Variants in CCDC169 observed in about 807,000 individuals in gnomAD.
The protein encoded by CCDC169 is coiled-coil domain-containing protein 169.
CCDC169 carries 30 observed loss-of-function variants against 36.0 expected under a neutral mutation model. The observed-to-expected ratio is 0.83, with a 90% CI of 0.62 to 1.13. CCDC169 has a LOEUF of 1.13. Ranked by LOEUF, CCDC169 falls within the 50% of genes most tolerant of loss-of-function variation. CCDC169 has a pLI of 0.00. For missense variants in CCDC169, 245 were observed against 245.9 expected, an observed-to-expected ratio of 1.00 and a Z score of 0.03; for synonymous variants, 85 against 81.5, an observed-to-expected ratio of 1.04 and a Z score of -0.23.
chr13:36,293,865 T>C (rs1879187245), intron 2 of CCDC169, among the ~76,000 whole-genome samples: 1 of 152,086 alleles, frequency 6.6e-6, no homozygotes, highest in South Asian at 2.1e-4. Context: ...TTTAAGCTCC[T>C]AAATTATAGG....
At chr13:36,230,729 C>A (rs929337998), downstream of CCDC169, 10 of 978,108 alleles carry the variant, frequency 1.0e-5, no homozygotes, top group African/African-American at 1.2e-4. Context: ...GGTTGTTCTA[C>A]GATACCATAA....
In CCDC169 at chr13:36,297,697, T is replaced by G; in HGVS notation, c.23A>C (p.Asn8Thr). 1 of 1,551,318 alleles carries G rather than the reference T, an allele frequency of 6.4e-7. No homozygotes were observed. Among genetic ancestry groups the G allele is most frequent in the Non-Finnish European group, 8.7e-7 (1 of 1,146,994 alleles). The change falls in exon 1 of 8, where the codon AAC (asparagine) becomes ACC (threonine). Residue 8 changes from asparagine to threonine, a missense_variant. Asn to Thr is a moderately conservative substitution (Grantham distance 65, BLOSUM62 0). Coordinates refer to ENST00000239859, the MANE Select transcript of CCDC169 (RefSeq NM_001144981.3). MKEERNY[N>T]FDGVSTNRLK... ...GCGGTTGGTGCTCACACCGTCGAAG[T>G]TGTAGTTTCTCTCTTCCTTCATAGT... is the stretch of plus-strand genomic sequence containing the variant.
intron 7 of CCDC169, among the ~76,000 whole-genome samples, chr13:36,237,696 A>G (rs1871258417): frequency 6.6e-6 from 1 of 152,240 alleles, no homozygotes; most frequent in Admixed American, 6.5e-5. Context: ...CCAAATTCAC[A>G]TATTGTATGC....
In CCDC169 at chr13:36,238,196, T is replaced by A. The variant is rs150902629; in HGVS notation, c.546-6904A>T. ...TTGGGGTGATGAAAATGTTCTGGAA[T>A]CAGTTAGTGGTGATGCTTGCATGAC... is the stretch of plus-strand genomic sequence containing the variant. On this transcript the variant is annotated intron_variant, in intron 7 of 7. Coordinates refer to ENST00000239859, the MANE Select transcript of CCDC169 (RefSeq NM_001144981.3). 4.3e-3 allele frequency among the ~76,000 whole-genome samples: 653 copies of A among 152,312 alleles called. 2 individuals are homozygous for A. The highest frequency in any genetic ancestry group is 0.015 in the African/African-American group (603 of 41,560).
chr13:36,255,282 C>T (rs1224306427), intron 4 of CCDC169, among the ~76,000 whole-genome samples: 2 of 152,148 alleles, frequency 1.3e-5, no homozygotes, highest in African/African-American at 4.8e-5. Context: ...GAGACCCCAT[C>T]ATGCGTTCTC....
At chr13:36,282,567 T>G (rs1877667857) in intron 4 of CCDC169, 1 of 984,364 alleles carries the variant, frequency 1.0e-6, no homozygotes, top group African/African-American at 1.7e-5. Flanking sequence ...TATACTGAAC[T>G]TTCATTCTCT....
At chr13:36,284,150 A>G (rs981115723) in intron 2 of CCDC169, among the ~76,000 whole-genome samples, 2 of 151,624 alleles carry the variant, frequency 1.3e-5, no homozygotes, top group Admixed American at 1.3e-4. Flanking sequence ...CTTGAAATAC[A>G]TATTTATATA....
In CCDC169 at chr13:36,278,891, C is replaced by G. The variant is rs561370957; in HGVS notation, c.315+4578G>C. On this transcript the variant is annotated intron_variant, in intron 4 of 7. Coordinates refer to ENST00000239859, the MANE Select transcript of CCDC169 (RefSeq NM_001144981.3). ...CTATCACCTGTGTAATACACACAAA[C>G]AAAACTAAACTTACCATTTCCTAAC... 1.2e-4 allele frequency among the ~76,000 whole-genome samples: 18 copies of G among 152,292 alleles called. 1 individual carries two copies. The East Asian group carries it at 3.3e-3, about 28-fold the overall frequency.
chr13:36,264,924 C>T (rs1418388785), intron 4 of CCDC169, among the ~76,000 whole-genome samples: 5 of 152,170 alleles, frequency 3.3e-5, no homozygotes, highest in Non-Finnish European at 7.4e-5. Context: ...TGAGAAGAAT[C>T]TGTGTTCTGG....
intron 7 of CCDC169, among the ~76,000 whole-genome samples, chr13:36,237,717 A>G (rs1330903499): frequency 6.6e-6 from 1 of 152,222 alleles, no homozygotes; most frequent in Non-Finnish European, 1.5e-5. Context: ...TCCCATTTAC[A>G]GTTGGAAATG....
chr13:36,292,338 A>G (rs1879004386), intron 2 of CCDC169, among the ~76,000 whole-genome samples: 2 of 152,236 alleles, frequency 1.3e-5, no homozygotes, highest in African/African-American at 4.8e-5. Flanking sequence ...ATTATTTTCA[A>G]AGGGTAGTTG....
chr13:36,295,438 T>C (rs9575864), intron 2 of CCDC169, among the ~76,000 whole-genome samples: 36,441 of 152,056 alleles, frequency 0.24, 4,830 homozygotes, highest in East Asian at 0.49. Flanking sequence ...ATCCCAAACC[T>C]AGAAGTTAAG....
At chr13:36,292,344 A>G (rs984088661) in intron 2 of CCDC169, among the ~76,000 whole-genome samples, 3 of 152,128 alleles carry the variant, frequency 2.0e-5, no homozygotes, top group African/African-American at 7.2e-5. Context: ...TTCAAAGGGT[A>G]GTTGTGAGGT....
At chr13:36,288,540 A>G (rs1390795727) in intron 2 of CCDC169, among the ~76,000 whole-genome samples, 1 of 152,218 alleles carries the variant, frequency 6.6e-6, no homozygotes, top group African/African-American at 2.4e-5. Flanking sequence ...CAATTAAGAA[A>G]AGATTATGAT....
chr13:36,273,373 G>A (rs1365126743), intron 4 of CCDC169, among the ~76,000 whole-genome samples: 1 of 151,954 alleles, frequency 6.6e-6, no homozygotes, highest in Admixed American at 6.6e-5. Flanking sequence ...AGTACTTTAG[G>A]AGTTTTATAC....
At chr13:36,245,105 G>A (rs902359589) in intron 7 of CCDC169, among the ~76,000 whole-genome samples, 1 of 151,996 alleles carries the variant, frequency 6.6e-6, no homozygotes, top group South Asian at 2.1e-4. Flanking sequence ...TATATAAAAA[G>A]GATGCTGACT....
chr13:36,297,454 G>C (rs1879663704), intron 1 of CCDC169, among the ~76,000 whole-genome samples, 183 bp downstream of exon 1: 1 of 152,152 alleles, frequency 6.6e-6, no homozygotes, highest in East Asian at 1.9e-4. Flanking sequence ...AATACCAAAG[G>C]CTTACTCAAA....
chr13:36,264,325 T>C (rs139006582), intron 4 of CCDC169, among the ~76,000 whole-genome samples: 1,898 of 152,068 alleles, frequency 0.012, 13 homozygotes, highest in Non-Finnish European at 0.018. Context: ...AGGATTTAGA[T>C]GGAAAAAGTG....
chr13:36,243,436 T>A (rs9546854), intron 7 of CCDC169, among the ~76,000 whole-genome samples: 8 of 151,024 alleles, frequency 5.3e-5, no homozygotes, highest in Non-Finnish European at 7.4e-5. Context: ...GGAGGCAGAA[T>A]TTGCAGTGAG....
Sources: gnomAD v4.1 joint callset for allele counts (sites outside exome capture counted in the v4.1 genomes callset) on GRCh38, gnomAD v4.1.1 for gene constraint, MANE v1.5 for transcripts, NCBI Gene and HGNC (gene_info 2026-07-23, HGNC 2026-07-21) for gene names.